The following SFMBT1 variants were observed in gnomAD, a reference collection of about 807,000 sequenced individuals.
The protein encoded by SFMBT1 is scm-like with four MBT domains protein 1.
SFMBT1 carries 32 observed loss-of-function variants against 108.7 expected under a neutral mutation model. The observed-to-expected ratio is 0.29, with a 90% CI of 0.22 to 0.40. The LOEUF is 0.40. Ranked by LOEUF, SFMBT1 falls within the 10% of genes least tolerant of loss-of-function variation. The pLI is 1.00. For synonymous variants in SFMBT1, 348 were observed against 369.5 expected (o/e 0.94, Z 0.67); for missense variants, 816 against 1,059.6 (o/e 0.77, Z 3.19).
chr3:52,915,164 A>G (rs1262265729), intron 14 of SFMBT1, among the ~76,000 whole-genome samples: 1 of 152,152 alleles, frequency 6.6e-6, no homozygotes, highest in Admixed American at 6.5e-5. Context: ...TACTCCTTCT[A>G]AGGAGCTGTT....
intron 1 of SFMBT1, among the ~76,000 whole-genome samples, chr3:52,979,744 G>T (rs1228167405): frequency 6.6e-6 from 1 of 152,286 alleles, no homozygotes; most frequent in East Asian, 1.9e-4. Context: ...GTGATACTAT[G>T]AACAGTCATG....
At chr3:53,037,348 G>A (rs1699899760) in intron 1 of SFMBT1, among the ~76,000 whole-genome samples, 1 of 152,184 alleles carries the variant, frequency 6.6e-6, no homozygotes, top group Non-Finnish European at 1.5e-5. Flanking sequence ...TGTTGATTGA[G>A]GAGCCCAATT....
intron 1 of SFMBT1, among the ~76,000 whole-genome samples, chr3:53,007,262 C>T (rs1698779004): frequency 6.6e-6 from 1 of 152,096 alleles, no homozygotes; most frequent in African/African-American, 2.4e-5. Context: ...ACCTCTTTTC[C>T]CCCGCTAGGT....
intron 1 of SFMBT1, among the ~76,000 whole-genome samples, chr3:52,996,282 G>A (rs1698329359): frequency 7.4e-6 from 1 of 135,564 alleles, no homozygotes; most frequent in African/African-American, 2.8e-5. Flanking sequence ...CACCATCTTG[G>A]CTCACTGCAG....
intron 1 of SFMBT1, among the ~76,000 whole-genome samples, chr3:53,011,649 G>A (rs186689401): frequency 3.3e-5 from 5 of 152,310 alleles, no homozygotes; most frequent in Admixed American, 1.3e-4. Flanking sequence ...AGTAGGAAAT[G>A]ACAGAAAAAT....
Position 52,969,218 on chromosome 3 carries a change from A to T in SFMBT1, c.-90T>A. The T allele has an allele frequency of 1.3e-6, 2 of 1,592,210 alleles. No homozygotes were observed. Among genetic ancestry groups the T allele is most frequent in the Non-Finnish European group, 1.7e-6 (2 of 1,173,184 alleles). ...ATCTGAAGATTACTTGCAGGTTTCA[A>T]GCATCTGTTCAATGGGTATCCACGG... On this transcript the variant is annotated 5_prime_UTR_variant, in exon 2 of 21. The change creates a new upstream start codon in the 5' untranslated region. Coordinates refer to ENST00000394752, the MANE Select transcript of SFMBT1 (RefSeq NM_016329.4).
At position 52,928,435 on chromosome 3, in the gene SFMBT1, T is replaced by C; in HGVS notation, c.898-94A>G. The C allele has an allele frequency of 9.9e-6, 13 of 1,314,570 alleles. No homozygotes were observed. The South Asian group carries it at 1.8e-4, about 18-fold the overall frequency. 81.4% of individuals were successfully genotyped at this position (1,314,570 alleles called of 1,614,324 possible). ...CCAAACATATTACAAAAGTTCATAC[T>C]CATGTGGGTATTAATAATACTAAAC... is the stretch of plus-strand genomic sequence containing the variant. On this transcript the variant is annotated intron_variant, in intron 8 of 20. Coordinates refer to ENST00000394752, the MANE Select transcript of SFMBT1 (RefSeq NM_016329.4).
rs779817579 is a variant in SFMBT1, at chr3:52,907,213, T to G, written c.2187A>C (p.Ser729=). The G allele has an allele frequency of 1.2e-6, 2 of 1,614,008 alleles. No individual in the cohort carries two copies. The highest frequency in any genetic ancestry group is 3.3e-5 in the Admixed American group (2 of 60,002). Residue 729 remains serine, a synonymous_variant, in exon 19 of 21, where the codon TCA becomes TCC. Coordinates refer to ENST00000394752, the MANE Select transcript of SFMBT1 (RefSeq NM_016329.4). Reference sequence around the variant, plus strand: ...AGCATGACTTTTTTTCTGACATTTCTGATTCTTCCTGTAGCTCATCCTGCT... The same window carrying G: ...AGCATGACTTTTTTTCTGACATTTCGGATTCTTCCTGTAGCTCATCCTGCT... ...SEQQDELQEE[S]EMSEKKSCSS...
chr3:52,964,890 T>C (rs747747566), intron 2 of SFMBT1, among the ~76,000 whole-genome samples: 3 of 152,208 alleles, frequency 2.0e-5, no homozygotes, highest in Non-Finnish European at 4.4e-5. Context: ...TACATATACA[T>C]ATACGTACTT....
intron 1 of SFMBT1, among the ~76,000 whole-genome samples, chr3:52,982,114 G>A (rs1704731500): frequency 6.6e-6 from 1 of 152,084 alleles, no homozygotes; most frequent in Non-Finnish European, 1.5e-5. Flanking sequence ...CAAACACAAT[G>A]TCTCTAATTC....
At chr3:53,041,766 T>C (rs1253554062) in intron 1 of SFMBT1, among the ~76,000 whole-genome samples, 1 of 137,498 alleles carries the variant, frequency 7.3e-6, no homozygotes, top group Non-Finnish European at 1.6e-5. Context: ...CCCTGAAGAA[T>C]GGGAGACTCC....
intron 1 of SFMBT1, among the ~76,000 whole-genome samples, chr3:53,035,547 T>C (rs1414769585): frequency 1.3e-5 from 2 of 152,224 alleles, no homozygotes; most frequent in Non-Finnish European, 2.9e-5. Flanking sequence ...AAGTTTATCT[T>C]GAAAATGTTC....
intron 1 of SFMBT1, among the ~76,000 whole-genome samples, chr3:53,002,179 T>A (rs149192611): frequency 0.011 from 1,610 of 149,660 alleles, 60 homozygotes; most frequent in African/African-American, 0.036. Flanking sequence ...GGCAGGTGGA[T>A]CACGGGGTTA....
In SFMBT1 at chr3:53,010,441, C is replaced by T. The variant is rs555211956; in HGVS notation, c.-131+35375G>A. ...AAGTAGCACATGGGTCCTGACTGAA[C>T]CCTCTGTGGGGCTGGTAAGCCCTTT... On this transcript the variant is annotated intron_variant, in intron 1 of 20. Transcript: ENST00000394752. Among the ~76,000 whole-genome samples the T allele has an allele frequency of 2.0e-5, 3 of 152,310 alleles. No individual in the cohort carries two copies. In the South Asian group the frequency reaches 6.2e-4, roughly 32 times the overall value.
chr3:52,986,974 T>C (rs1035904561), intron 1 of SFMBT1, among the ~76,000 whole-genome samples: 1 of 152,096 alleles, frequency 6.6e-6, no homozygotes, highest in African/African-American at 2.4e-5. Flanking sequence ...ATCCTTATTC[T>C]ATAACTTTTT....
rs563189246 is a variant in SFMBT1, at chr3:52,998,444, C to T, written c.-130-29186G>A. On this transcript the variant is annotated intron_variant, in intron 1 of 20. Transcript: ENST00000394752. ...TAGATCAATAATATTATTTTGCTGA[C>T]GCATTGGAGAAAGTAAAGGCTGGGT... 7.3e-5 allele frequency among the ~76,000 whole-genome samples: 11 copies of T among 150,292 alleles called. 1 individual carries two copies. The highest frequency in any genetic ancestry group is 1.2e-4 in the African/African-American group (5 of 41,312).
chr3:52,927,014 A>G (rs1702679306), intron 9 of SFMBT1, among the ~76,000 whole-genome samples: 1 of 152,188 alleles, frequency 6.6e-6, no homozygotes, highest in South Asian at 2.1e-4. Context: ...ACAAAGACAC[A>G]GTTGATTTGT....
At position 52,921,064 on chromosome 3, in the gene SFMBT1, T is replaced by A. The variant is rs576975113; in HGVS notation, c.1259-414A>T. On this transcript the variant is annotated intron_variant, in intron 11 of 20. Coordinates refer to ENST00000394752, the MANE Select transcript of SFMBT1 (RefSeq NM_016329.4). ...TAAGCCAGAAAAGAAGAACAGTGAA[T>A]TCAAATCAGGAAGTGATTTGGCAAG... 1.4e-3 allele frequency among the ~76,000 whole-genome samples: 209 copies of A among 152,328 alleles called. 1 individual carries two copies. The highest frequency in any genetic ancestry group is 5.0e-3 in the African/African-American group (207 of 41,568).
chr3:52,940,280 C>T (rs553868465), intron 4 of SFMBT1, among the ~76,000 whole-genome samples: 1 of 152,336 alleles, frequency 6.6e-6, no homozygotes, highest in South Asian at 2.1e-4. Flanking sequence ...TTCCAAATAC[C>T]ATTCTTCACT....
Sources: gnomAD v4.1 joint callset for allele counts (sites outside exome capture counted in the v4.1 genomes callset) on GRCh38, gnomAD v4.1.1 for gene constraint, MANE v1.5 for transcripts, NCBI Gene and HGNC (gene_info 2026-07-23, HGNC 2026-07-21) for gene names.